PTPRD: variants seen among roughly 807,000 people sequenced by gnomAD.
PTPRD encodes protein tyrosine phosphatase receptor type D.
A neutral mutation model predicts 214.5 loss-of-function variants in PTPRD; 34 were observed. That is an observed-to-expected ratio of 0.16 (90% CI 0.12 to 0.21). The LOEUF (loss-of-function observed/expected upper bound fraction) is 0.21. Ranked by LOEUF, PTPRD falls within the 10% of genes least tolerant of loss-of-function variation. PTPRD has a pLI of 1.00. For missense variants in PTPRD, 2,545 were observed against 2,398.7 expected, an observed-to-expected ratio of 1.06 and a Z score of -1.27; for synonymous variants, 1,128 against 845.7, an observed-to-expected ratio of 1.33 and a Z score of -5.79.
chr9:10,043,241 T>C (rs13284641), intron 3 of PTPRD, among the ~76,000 whole-genome samples: 1 of 151,968 alleles, frequency 6.6e-6, no homozygotes, highest in Non-Finnish European at 1.5e-5. Context: ...GCAATTTATA[T>C]GTAAAACTAG....
intron 5 of PTPRD, among the ~76,000 whole-genome samples, chr9:9,868,267 A>T (rs1365890880): frequency 6.6e-6 from 1 of 152,230 alleles, no homozygotes; most frequent in East Asian, 1.9e-4. Flanking sequence ...ATCGAAGATG[A>T]CAGAAAAGAA....
chr9:8,858,606 T>G (rs142151248), intron 11 of PTPRD, among the ~76,000 whole-genome samples: 1 of 152,312 alleles, frequency 6.6e-6, no homozygotes, highest in African/African-American at 2.4e-5. Context: ...GGAATTGCTG[T>G]GCTCCAGCGC....
chr9:10,225,164 CAA>C (rs2099584695), intron 3 of PTPRD, among the ~76,000 whole-genome samples: 1 of 151,534 alleles, frequency 6.6e-6, no homozygotes, highest in East Asian at 1.9e-4. Flanking sequence ...TTTTTATTAT[CAA>C]AAGAGATGAA....
rs571568633 is a variant in PTPRD, at chr9:9,417,212, C to T, written c.-236-19730G>A. Among the ~76,000 whole-genome samples the T allele has an allele frequency of 2.0e-4, 31 of 152,212 alleles. No homozygotes were observed. In the South Asian group the frequency reaches 6.0e-3, roughly 29 times the overall value. ...TTATTTTTAAGGCATTTAGGGAAAG[C>T]TGTCACAGATACAAATTTAAATGGA... On this transcript the variant is annotated intron_variant, in intron 8 of 45. Transcript: ENST00000381196.
chr9:10,586,304 G>C (rs1266614147), intron 2 of PTPRD, among the ~76,000 whole-genome samples: 2 of 151,934 alleles, frequency 1.3e-5, no homozygotes, highest in Non-Finnish European at 2.9e-5. Flanking sequence ...ATACACCTTT[G>C]TAACCTTTAC....
chr9:8,837,613 T>C (rs1284807309), intron 11 of PTPRD, among the ~76,000 whole-genome samples: 1 of 152,118 alleles, frequency 6.6e-6, no homozygotes, highest in African/African-American at 2.4e-5. Context: ...TCTTCCACCT[T>C]AGCCTCTCAA....
chr9:10,483,547 C>A (rs2132292125), intron 2 of PTPRD, among the ~76,000 whole-genome samples: 1 of 151,702 alleles, frequency 6.6e-6, no homozygotes, highest in Non-Finnish European at 1.5e-5. Context: ...GACTAATATC[C>A]AGCATCCACA....
intron 10 of PTPRD, among the ~76,000 whole-genome samples, chr9:9,037,471 T>C (rs540153826): frequency 6.6e-6 from 1 of 152,226 alleles, no homozygotes; most frequent in Admixed American, 6.6e-5. Context: ...GCTTTATAAA[T>C]ATAATGGATG....
At chr9:8,369,688 A>G (rs1269775584) in intron 39 of PTPRD, among the ~76,000 whole-genome samples, 2 of 151,994 alleles carry the variant, frequency 1.3e-5, no homozygotes, top group Admixed American at 1.3e-4. Context: ...TTTTTCATAA[A>G]TAAATGTTTC....
At chr9:10,457,759 T>A (rs960693420) in intron 2 of PTPRD, among the ~76,000 whole-genome samples, 2 of 152,094 alleles carry the variant, frequency 1.3e-5, no homozygotes, top group East Asian at 1.9e-4. Flanking sequence ...TGTCAGTCAA[T>A]AGAAATGTTG....
intron 7 of PTPRD, among the ~76,000 whole-genome samples, chr9:9,689,382 T>C (rs1222022762): frequency 2.6e-5 from 4 of 151,926 alleles, no homozygotes; most frequent in Admixed American, 6.6e-5. Context: ...TACTTTTTAT[T>C]GATATATAAG....
At chr9:9,045,554 C>G (rs540170484) in intron 10 of PTPRD, among the ~76,000 whole-genome samples, 1 of 152,268 alleles carries the variant, frequency 6.6e-6, no homozygotes, top group South Asian at 2.1e-4. Context: ...GGAGCAAGAA[C>G]AGCCCATGGT....
At chr9:9,954,163 G>C (rs1301545970) in intron 4 of PTPRD, among the ~76,000 whole-genome samples, 4 of 151,736 alleles carry the variant, frequency 2.6e-5, no homozygotes, top group African/African-American at 9.7e-5. Context: ...GGGTGTGGTG[G>C]TGTGCACCTG....
chr9:8,903,793 CTG>C (rs2098689111), intron 11 of PTPRD, among the ~76,000 whole-genome samples: 13 of 151,110 alleles, frequency 8.6e-5, no homozygotes, highest in African/African-American at 3.0e-4. Context: ...AAAGACTACT[CTG>C]TAAAGCAATA....
rs934721291 is a variant in PTPRD, at chr9:8,777,244, A to G, written c.-103-43298T>C. Among the ~76,000 whole-genome samples the G allele has an allele frequency of 7.9e-5, 12 of 152,076 alleles. No homozygotes were observed. The East Asian group carries it at 9.6e-4, about 12-fold the overall frequency. ...ATACTCCTGCTTCCACCTCCCAAAG[A>G]GTAAATTATCATTTAAACTTTTTTG... On this transcript the variant is annotated intron_variant, in intron 11 of 45. Coordinates refer to ENST00000381196, the MANE Select transcript of PTPRD (RefSeq NM_002839.4).
intron 2 of PTPRD, among the ~76,000 whole-genome samples, chr9:10,501,724 T>C (rs2043778615): frequency 2.0e-5 from 3 of 151,966 alleles, no homozygotes. Context: ...AAATAAAGGG[T>C]AGGATATATT....
intron 5 of PTPRD, among the ~76,000 whole-genome samples, chr9:9,865,402 G>A (rs895569765): frequency 6.6e-6 from 1 of 152,110 alleles, no homozygotes; most frequent in Non-Finnish European, 1.5e-5. Context: ...GAGAGGGACT[G>A]GTGACTTTAT....
intron 11 of PTPRD, among the ~76,000 whole-genome samples, chr9:8,836,684 C>G (rs2097431715): frequency 6.8e-6 from 1 of 147,626 alleles, no homozygotes. Context: ...GCAGCCTCTG[C>G]CTCCCAGGTT....
At chr9:9,101,622 G>C (rs1016631631) in intron 10 of PTPRD, among the ~76,000 whole-genome samples, 20 of 152,244 alleles carry the variant, frequency 1.3e-4, no homozygotes, top group African/African-American at 4.6e-4. Context: ...ATTAAAAAAA[G>C]AATTCTCAAG....
Sources: gnomAD v4.1 joint callset for allele counts (sites outside exome capture counted in the v4.1 genomes callset) on GRCh38, gnomAD v4.1.1 for gene constraint, MANE v1.5 for transcripts, NCBI Gene and HGNC (gene_info 2026-07-23, HGNC 2026-07-21) for gene names.